Variants in SHOC1 observed in about 807,000 individuals in gnomAD.
The protein encoded by SHOC1 is shortage in chiasmata 1.
In SHOC1, 136 loss-of-function variants were observed where a neutral mutation model predicts 179.2. The ratio of observed to expected loss-of-function variants is 0.76; its 90% CI spans 0.66 to 0.87. The LOEUF (loss-of-function observed/expected upper bound fraction) is 0.87. SHOC1 is among the 40% of genes least tolerant of loss of function. SHOC1 has a pLI of 0.00. For synonymous variants in SHOC1, 489 were observed against 586.6 expected, an observed-to-expected ratio of 0.83 and a Z score of 2.41; for missense variants, 1,538 against 1,700.8, an observed-to-expected ratio of 0.90 and a Z score of 1.68.
chr9:111,722,526 G>A lies in SHOC1; in HGVS notation c.2014C>T (p.Leu672Phe), dbSNP rs1450599598. Residue 672 changes from leucine to phenylalanine, a missense_variant, in exon 15 of 28, where the codon CTT becomes TTT. Physicochemically the swap from Leu to Phe is conservative, Grantham distance 22. Transcript: ENST00000682961. The part of the protein sequence containing the change: ...EAAASPILKN[L>F]VSLCTLPTAN... ...GTAGGGAGGGTACACAAGGATACAA[G>A]GTTTTTTAAGATAGGAGAAGCTGCT... 2 of 1,609,748 alleles carry A rather than the reference G, an allele frequency of 1.2e-6. No homozygotes were observed. The highest frequency in any genetic ancestry group is 8.5e-7 in the Non-Finnish European group (1 of 1,179,166).
At chr9:111,732,643 G>A (rs1196723113) in intron 12 of SHOC1, among the ~76,000 whole-genome samples, 2 of 152,064 alleles carry the variant, frequency 1.3e-5, no homozygotes, top group African/African-American at 4.8e-5. Flanking sequence ...GTGGAAGAAG[G>A]CAGACACAAA....
In SHOC1 at chr9:111,727,989, T is replaced by C; in HGVS notation, c.1478A>G (p.Asn493Ser). The C allele has an allele frequency of 6.2e-7, 1 of 1,608,200 alleles. No homozygotes were observed. Among genetic ancestry groups the C allele is most frequent in the Non-Finnish European group, 8.5e-7 (1 of 1,178,218 alleles). Residue 493 changes from asparagine (N) to serine (S), a missense_variant, in exon 13 of 28, where the codon AAT becomes AGT. By Grantham distance (46) the Asn-to-Ser change is conservative (BLOSUM62 1). Coordinates refer to ENST00000682961, the MANE Select transcript of SHOC1 (RefSeq NM_001378211.1). Reference sequence around the variant, plus strand: ...CTTTTGTGGAAGTGATAAATGAGCATTTGTAGATTTTTCATCAATAAGTGC... The same window carrying C: ...CTTTTGTGGAAGTGATAAATGAGCACTTGTAGATTTTTCATCAATAAGTGC... The part of the protein sequence containing the change: ...PIALIDEKST[N>S]AHLSLPQKSP...
At chr9:111,715,024 G>C (rs1832722380) in intron 16 of SHOC1, among the ~76,000 whole-genome samples, 1 of 152,150 alleles carries the variant, frequency 6.6e-6, no homozygotes, top group Non-Finnish European at 1.5e-5. Context: ...GCTTATTTAT[G>C]TATATCACTT....
At chr9:111,759,120 G>A (rs1347350187) in intron 5 of SHOC1, 6 of 1,570,192 alleles carry the variant, frequency 3.8e-6, no homozygotes, top group Non-Finnish European at 5.2e-6. Context: ...TATCAATAAA[G>A]ATTAATCAAT....
At chr9:111,748,309 T>C (rs1834383338) in intron 8 of SHOC1, 110 bp from the exon 9 acceptor site, 1 of 722,454 alleles carries the variant, frequency 1.4e-6, no homozygotes, top group South Asian at 1.9e-5. Context: ...TTATTGCATG[T>C]CAATTTTTCC....
At chr9:111,740,365 C>T (rs1833978853) in intron 11 of SHOC1, among the ~76,000 whole-genome samples, 2 of 152,134 alleles carry the variant, frequency 1.3e-5, no homozygotes, top group Non-Finnish European at 1.5e-5. Flanking sequence ...CCCAGGATTC[C>T]TGTTTTCACT....
intron 2 of SHOC1, among the ~76,000 whole-genome samples, chr9:111,788,742 A>G (rs1308960220): frequency 6.6e-6 from 1 of 152,220 alleles, no homozygotes; most frequent in Non-Finnish European, 1.5e-5. Context: ...TGTTACAACC[A>G]GCAAATTCAT....
intron 21 of SHOC1, 85 bp downstream of exon 21, chr9:111,705,162 A>AATAT (rs72047905): frequency 1.8e-4 from 51 of 277,240 alleles, no homozygotes; most frequent in Middle Eastern, 8.0e-4. Context: ...AGCCTATCAG[A>AATAT]ATATATATAC....
At chr9:111,706,818 A>T in intron 19 of SHOC1, 72 bp from the exon 20 acceptor site, 2 of 1,082,794 alleles carry the variant, frequency 1.8e-6, no homozygotes, top group African/African-American at 1.6e-5. Flanking sequence ...TTAAAAGATG[A>T]CTGTTTTCTG....
At chr9:111,694,151 A>C in intron 25 of SHOC1, 80 bp downstream of exon 25, 2 of 1,399,640 alleles carry the variant, frequency 1.4e-6, no homozygotes, top group Non-Finnish European at 2.0e-6. Flanking sequence ...TGGGGGAAAA[A>C]TGTTACCAGA....
At chr9:111,770,768 T>C (rs1225864271) in intron 5 of SHOC1, among the ~76,000 whole-genome samples, 1 of 152,158 alleles carries the variant, frequency 6.6e-6, no homozygotes, top group Non-Finnish European at 1.5e-5. Context: ...ATTGACCCCT[T>C]TCATGATCAT....
At chr9:111,729,670 G>A (rs1349235181) in intron 12 of SHOC1, among the ~76,000 whole-genome samples, 7 of 152,094 alleles carry the variant, frequency 4.6e-5, no homozygotes, top group Admixed American at 2.0e-4. Context: ...CGAGGCAGGC[G>A]GATCATGAGG....
rs60730834 is a variant in SHOC1 at position 111,778,885 on chromosome 9, G to A, written c.257+2045C>T. 4.3e-3 allele frequency among the ~76,000 whole-genome samples: 651 copies of A among 151,502 alleles called. 3 individuals carry two copies. Among genetic ancestry groups the A allele is most frequent in the African/African-American group, 0.015 (608 of 41,284 alleles). On this transcript the variant is annotated intron_variant, in intron 4 of 27. Transcript: ENST00000682961. ...AGGCCAAGGCGGGTGGATCACTTGAGGCCAGGAGTTTGAGACCAGCCTGGC... is the reference window on the plus strand; with the variant it reads ...AGGCCAAGGCGGGTGGATCACTTGAAGCCAGGAGTTTGAGACCAGCCTGGC...
intron 10 of SHOC1, among the ~76,000 whole-genome samples, chr9:111,744,499 G>A (rs1834180526): frequency 6.6e-6 from 1 of 152,098 alleles, no homozygotes; most frequent in African/African-American, 2.4e-5. Context: ...ACCATTAATA[G>A]AAGCCTAAGC....
Position 111,775,951 on chromosome 9 carries a change from G to A in SHOC1, c.282C>T (p.Thr94=), listed in dbSNP as rs1287411331. ...LEKKTITRMV[T]QINCEFEEVV... ...CTTCCTCAAATTCACAATTAATCTG[G>A]GTCACCATTCTTGTAATTGTTTTTC... Residue 94 remains threonine, a synonymous_variant, in exon 5 of 28, where the codon ACC becomes ACT. Transcript: ENST00000682961. 6.2e-7 allele frequency: 1 copy of A among 1,612,124 alleles called. No individual in the cohort carries two copies.
intron 5 of SHOC1, among the ~76,000 whole-genome samples, chr9:111,767,880 T>C (rs980231768): frequency 6.6e-6 from 1 of 152,176 alleles, no homozygotes; most frequent in Non-Finnish European, 1.5e-5. Context: ...CAGAGTTTTA[T>C]AGTTTTTCTT....
At chr9:111,691,080 A>G (rs1189111324) in intron 27 of SHOC1, among the ~76,000 whole-genome samples, 1 of 152,258 alleles carries the variant, frequency 6.6e-6, no homozygotes, top group Non-Finnish European at 1.5e-5. Flanking sequence ...AGACAACTCA[A>G]AAACATCCAC....
intron 2 of SHOC1, among the ~76,000 whole-genome samples, chr9:111,787,077 C>G (rs143033028): frequency 2.5e-4 from 38 of 152,214 alleles, no homozygotes; most frequent in African/African-American, 9.1e-4. Context: ...ATTGTTGAGA[C>G]CTACTTTTGG....
At position 111,706,571 on chromosome 9, in the gene SHOC1, C is replaced by T. The variant is rs757465899; in HGVS notation, c.2734G>A (p.Glu912Lys). 1 of 1,521,252 alleles carries T rather than the reference C, an allele frequency of 6.6e-7. No homozygotes were observed. Among genetic ancestry groups the T allele is most frequent in the South Asian group, 1.3e-5 (1 of 74,192 alleles). 94.2% of individuals were successfully genotyped at this position (1,521,252 alleles called of 1,614,324 possible). Residue 912 changes from glutamate (E) to lysine (K), a missense_variant, in exon 20 of 28, where the codon GAA (glutamate) becomes AAA (lysine). Glu to Lys is a moderately conservative substitution (Grantham distance 56, BLOSUM62 1). Coordinates refer to ENST00000682961, the MANE Select transcript of SHOC1 (RefSeq NM_001378211.1). The part of the protein sequence containing the change: ...FKVILPDTVL[E>K]RSTLLDRFGG... ...GGATTTTGGCTTATATTCTTACTTTCTAAAACTGTGTCTGGAAGAATCACT... is the reference window on the plus strand; with the variant it reads ...GGATTTTGGCTTATATTCTTACTTTTTAAAACTGTGTCTGGAAGAATCACT...
Sources: allele counts gnomAD v4.1 joint callset (sites outside exome capture counted in the v4.1 genomes callset), GRCh38; gene constraint gnomAD v4.1.1; transcripts MANE v1.5; gene names NCBI Gene and HGNC (gene_info 2026-07-23, HGNC 2026-07-21).